PCDHA6: variants seen among roughly 807,000 people sequenced by gnomAD.
PCDHA6 encodes the protein protocadherin alpha-6.
PCDHA6 carries 55 observed loss-of-function variants against 60.3 expected under a neutral mutation model. The ratio of observed to expected loss-of-function variants is 0.91; its 90% CI spans 0.73 to 1.14. PCDHA6 has a LOEUF of 1.14. Among genes scored for constraint, PCDHA6 ranks in the 50% most tolerant of loss-of-function variants. The pLI is 0.00. For synonymous variants in PCDHA6, 652 were observed against 557.9 expected, an observed-to-expected ratio of 1.17 and a Z score of -2.38; for missense variants, 1,327 against 1,256.5, an observed-to-expected ratio of 1.06 and a Z score of -0.85.
In PCDHA6 at chr5:141,003,361, G is replaced by A. The variant is rs2098120892; in HGVS notation, c.2543-6266G>A. Among the ~76,000 whole-genome samples the A allele has an allele frequency of 5.9e-5, 9 of 152,298 alleles. No individual in the cohort carries two copies. The South Asian group carries it at 1.9e-3, about 32-fold the overall frequency. On this transcript the variant is annotated intron_variant, in intron 3 of 3. Coordinates refer to ENST00000529310, the MANE Select transcript of PCDHA6 (RefSeq NM_018909.4). ...TTTGTTTGCTCTGTCACCCAGGCTG[G>A]AGTGCAGTGGTGCAATCTCAGCTCA...
intron 1 of PCDHA6, among the ~76,000 whole-genome samples, chr5:140,920,261 A>T (rs535022961): frequency 3.3e-4 from 50 of 152,226 alleles, no homozygotes; most frequent in Non-Finnish European, 2.8e-4. Context: ...TATAATAATT[A>T]TTACTTTATG....
At chr5:140,898,450 C>G (rs1276825221) in intron 1 of PCDHA6, among the ~76,000 whole-genome samples, 4 of 152,148 alleles carry the variant, frequency 2.6e-5, no homozygotes, top group Non-Finnish European at 4.4e-5. Flanking sequence ...ATAGGGAATC[C>G]TTTCCCCATT....
chr5:140,869,157 TCTC>T (rs1201897612), intron 1 of PCDHA6: 2 of 1,613,798 alleles, frequency 1.2e-6, no homozygotes, highest in South Asian at 1.1e-5. Context: ...AGCTCTGGCT[TCTC>T]CTCCTCGAAT....
chr5:140,901,839 A>T (rs578262204), intron 1 of PCDHA6, among the ~76,000 whole-genome samples: 1 of 152,108 alleles, frequency 6.6e-6, no homozygotes, highest in Non-Finnish European at 1.5e-5. Flanking sequence ...TAAACATGCA[A>T]TATCTTTCCA....
intron 1 of PCDHA6, among the ~76,000 whole-genome samples, chr5:140,964,836 T>G (rs1306843318): frequency 1.3e-5 from 2 of 152,148 alleles, no homozygotes; most frequent in African/African-American, 4.8e-5. Flanking sequence ...AATTGCTTCC[T>G]ACTCTGTACC....
At chr5:140,895,709 A>G (rs763607157) in intron 1 of PCDHA6, among the ~76,000 whole-genome samples, 2 of 152,208 alleles carry the variant, frequency 1.3e-5, no homozygotes, top group African/African-American at 2.4e-5. Flanking sequence ...CACTTGGGAT[A>G]ATGGCCTGCA....
chr5:140,860,179 T>C (rs1448179121), intron 1 of PCDHA6: 2 of 148,944 alleles, frequency 1.3e-5, no homozygotes, highest in African/African-American at 4.9e-5. Flanking sequence ...ATATATATGA[T>C]GGGCTCTCCT....
chr5:140,858,703 T>C lies in PCDHA6; in HGVS notation c.2394+28218T>C, dbSNP rs918251691. 1.1e-5 allele frequency: 6 copies of C among 560,482 alleles called. 2 individuals carry two copies. The highest frequency in any genetic ancestry group is 1.8e-5 in the Non-Finnish European group (6 of 325,182). 34.7% of individuals were successfully genotyped at this position (560,482 alleles called of 1,614,324 possible). ...ACACTAATATTTTCCAATACAAATATGTGATATAGGTTGCAGTTCTGACGA... is the reference window on the plus strand; with the variant it reads ...ACACTAATATTTTCCAATACAAATACGTGATATAGGTTGCAGTTCTGACGA... On this transcript the variant is annotated intron_variant, in intron 1 of 3. Coordinates refer to ENST00000529310, the MANE Select transcript of PCDHA6 (RefSeq NM_018909.4).
At chr5:141,007,677 T>C (rs2098339934) in intron 3 of PCDHA6, among the ~76,000 whole-genome samples, 1 of 152,158 alleles carries the variant, frequency 6.6e-6, no homozygotes, top group South Asian at 2.1e-4. Flanking sequence ...AGACAAAAGT[T>C]ATCCTACTTC....
At chr5:140,876,883 G>A in intron 1 of PCDHA6, 2 of 1,614,132 alleles carry the variant, frequency 1.2e-6, no homozygotes, top group Non-Finnish European at 1.7e-6. Context: ...CAACCCGCCG[G>A]GCTGCCACAT....
At chr5:140,856,112 GCC>G (rs2043785671) in intron 1 of PCDHA6, 1 of 1,598,078 alleles carries the variant, frequency 6.3e-7, no homozygotes, top group Non-Finnish European at 8.6e-7. Context: ...TCTCCTCGCA[GCC>G]TGGGAGGTGG....
chr5:140,836,005 G>A (rs1554135535), intron 1 of PCDHA6: 5 of 1,613,362 alleles, frequency 3.1e-6, no homozygotes, highest in Admixed American at 1.7e-5. Context: ...CGCGATGCGG[G>A]CGTGCCGCCT....
chr5:140,898,358 A>T (rs2153460143), intron 1 of PCDHA6, among the ~76,000 whole-genome samples: 1 of 152,260 alleles, frequency 6.6e-6, no homozygotes, highest in Non-Finnish European at 1.5e-5. Flanking sequence ...TCTTGAATTA[A>T]TTTTTGTATA....
rs1581464132 is a variant in PCDHA6, at chr5:140,857,670, T to A, written c.2394+27185T>A. 10 of 1,596,646 alleles carry A rather than the reference T, an allele frequency of 6.3e-6. No homozygotes were observed. In the East Asian group the frequency reaches 2.2e-4, roughly 36 times the overall value. ...CAGGTGAGCGCGCGCGATGGGGGCG[T>A]GCCGCCTCTGGGCAGCAACTTGACG... On this transcript the variant is annotated intron_variant, in intron 1 of 3. Transcript: ENST00000529310.
At chr5:140,843,301 C>A (rs138591837) in intron 1 of PCDHA6, 5 of 1,595,850 alleles carry the variant, frequency 3.1e-6, no homozygotes, top group Middle Eastern at 1.7e-4. Context: ...CTGCGCTGAC[C>A]GCCACGGCCA....
chr5:140,883,782 C>T (rs1434451644), intron 1 of PCDHA6: 1 of 1,612,468 alleles, frequency 6.2e-7, no homozygotes, highest in African/African-American at 1.3e-5. Flanking sequence ...CGTGCGCTGT[C>T]GAGCTACGTG....
chr5:140,929,289 G>C (rs574226775), intron 1 of PCDHA6: 2 of 1,597,364 alleles, frequency 1.3e-6, no homozygotes, highest in African/African-American at 2.7e-5. Flanking sequence ...TTCAGATTCG[G>C]AATAGGAAAG....
In PCDHA6 at chr5:140,828,863, G is replaced by T; in HGVS notation, c.772G>T (p.Gly258Ter). 1 of 1,614,202 alleles carries T rather than the reference G, an allele frequency of 6.2e-7. No homozygotes were observed. The highest frequency in any genetic ancestry group is 8.5e-7 in the Non-Finnish European group (1 of 1,180,034). Residue 258 changes from glycine to a stop codon, truncating the protein, a stop_gained, in exon 1 of 4, where the codon GGA becomes TGA. Coordinates refer to ENST00000529310, the MANE Select transcript of PCDHA6 (RefSeq NM_018909.4). LOFTEE classifies it high-confidence loss of function. ...EVRIFENADN[G>*]TTVIRLNASD... is the part of the protein sequence containing the mutation. The stretch of plus-strand genomic sequence containing the variant: ...AAGAATATTCGAAAATGCAGACAAC[G>T]GAACAACAGTTATCAGACTGAATGC...
intron 1 of PCDHA6, among the ~76,000 whole-genome samples, chr5:140,833,179 G>T (rs928347111): frequency 6.6e-6 from 1 of 152,198 alleles, no homozygotes; most frequent in Non-Finnish European, 1.5e-5. Flanking sequence ...GAAGATGACT[G>T]CAAGGATTAA....
Sources: gnomAD v4.1 joint callset for allele counts (sites outside exome capture counted in the v4.1 genomes callset) on GRCh38, gnomAD v4.1.1 for gene constraint, MANE v1.5 for transcripts, NCBI Gene and HGNC (gene_info 2026-07-23, HGNC 2026-07-21) for gene names.